The following WDR72 variants were observed in gnomAD, a reference collection of about 807,000 sequenced individuals.
WDR72 encodes WD repeat domain 72, also known as WD repeat-containing protein 72.
Under a neutral mutation model 124.2 loss-of-function variants are expected in WDR72, and 120 were observed. That is an observed-to-expected ratio of 0.97 (90% CI 0.83 to 1.12). WDR72 has a LOEUF of 1.12. Among genes scored for constraint, WDR72 ranks in the 50% most tolerant of loss-of-function variants. The pLI, the probability that WDR72 is intolerant of heterozygous loss-of-function variation, is 0.00. For synonymous variants in WDR72, 452 were observed against 441.7 expected, an observed-to-expected ratio of 1.02 and a Z score of -0.29; for missense variants, 1,387 against 1,278.8, an observed-to-expected ratio of 1.08 and a Z score of -1.29.
chr15:53,657,107 A>T (rs1287777295), intron 14 of WDR72, among the ~76,000 whole-genome samples: 1 of 151,926 alleles, frequency 6.6e-6, no homozygotes, highest in African/African-American at 2.4e-5. Flanking sequence ...TACTAAAAAT[A>T]CAAAAAATTA....
Position 53,665,654 on chromosome 15 carries a change from T to C in WDR72, c.1880A>G (p.Lys627Arg). ...GCTGGAGGATCTCTGTTCTATACTT[T>C]TGTGCTTAAGTGTCTCTGAGGCAAT... ...LPIASETLKH[K>R]SIEQRSSSPY... The change falls in exon 14 of 20, where the codon AAA becomes AGA. Residue 627 changes from lysine to arginine, a missense_variant. Coordinates refer to ENST00000360509, the MANE Select transcript of WDR72 (RefSeq NM_182758.4). 6.2e-7 allele frequency: 1 copy of C among 1,613,916 alleles called. No homozygotes were observed. Among genetic ancestry groups the C allele is most frequent in the Non-Finnish European group, 8.5e-7 (1 of 1,179,882 alleles).
At chr15:53,621,841 A>G (rs2014007512) in intron 14 of WDR72, among the ~76,000 whole-genome samples, 1 of 152,106 alleles carries the variant, frequency 6.6e-6, no homozygotes, top group South Asian at 2.1e-4. Flanking sequence ...GAGACAACCT[A>G]TAGAATGGGA....
intron 1 of WDR72, among the ~76,000 whole-genome samples, chr15:53,742,900 T>A (rs1050197101): frequency 2.0e-5 from 3 of 152,196 alleles, no homozygotes. Context: ...CATTTTATCA[T>A]ATAATCAATA....
At chr15:53,633,211 G>A (rs1595808015) in intron 14 of WDR72, among the ~76,000 whole-genome samples, 1 of 152,160 alleles carries the variant, frequency 6.6e-6, no homozygotes, top group Non-Finnish European at 1.5e-5. Flanking sequence ...TTAGCACCAT[G>A]CCCCCTTGGT....
Position 53,714,442 on chromosome 15 carries a change from T to C in WDR72, c.583A>G (p.Ser195Gly). ...KVWDLSSSIN[S>G]IQEKQDVYEK... Reference sequence around the variant, plus strand: ...AGGGTTCCCAAGCCAACCTGAATGCTGTTGATAGATGAGGAAAGATCCCAT... The same window carrying C: ...AGGGTTCCCAAGCCAACCTGAATGCCGTTGATAGATGAGGAAAGATCCCAT... Residue 195 changes from serine (S) to glycine (G), a missense_variant, in exon 6 of 20, where the codon AGC becomes GGC. Physicochemically the swap from Ser to Gly is moderately conservative, Grantham distance 56 (BLOSUM62 0). Transcript: ENST00000360509. 2 of 1,613,666 alleles carry C rather than the reference T, an allele frequency of 1.2e-6. No homozygotes were observed. The highest frequency in any genetic ancestry group is 1.7e-6 in the Non-Finnish European group (2 of 1,179,642).
chr15:53,535,986 CT>C (rs1315720871), intron 18 of WDR72, among the ~76,000 whole-genome samples: 1 of 152,164 alleles, frequency 6.6e-6, no homozygotes, highest in African/African-American at 2.4e-5. Context: ...GGATGCCTGC[CT>C]GCATGCGTGT....
intron 1 of WDR72, among the ~76,000 whole-genome samples, chr15:53,739,783 C>A (rs1023075696): frequency 4.6e-5 from 7 of 152,118 alleles, no homozygotes; most frequent in Admixed American, 2.6e-4. Flanking sequence ...GTGTGCTTAG[C>A]TAAGAATTAA....
intron 15 of WDR72, 69 bp from the exon 16 acceptor site, chr15:53,613,826 G>C: frequency 1.8e-6 from 2 of 1,093,442 alleles, no homozygotes; most frequent in Non-Finnish European, 1.4e-6. Flanking sequence ...ATAAATCAAA[G>C]ATATGGGTAC....
At chr15:53,746,459 T>G (rs1047835696) in intron 1 of WDR72, among the ~76,000 whole-genome samples, 1 of 152,194 alleles carries the variant, frequency 6.6e-6, no homozygotes, top group African/African-American at 2.4e-5. Flanking sequence ...GCATGAATTT[T>G]GACAATAACA....
chr15:53,713,334 T>A (rs1047445357), intron 6 of WDR72, among the ~76,000 whole-genome samples: 3 of 151,566 alleles, frequency 2.0e-5, no homozygotes, highest in African/African-American at 7.3e-5. Flanking sequence ...CTGTTAGATA[T>A]GGCAGAAAGG....
At chr15:53,619,865 T>C (rs754182600) in intron 14 of WDR72, among the ~76,000 whole-genome samples, 1 of 152,076 alleles carries the variant, frequency 6.6e-6, no homozygotes, top group African/African-American at 2.4e-5. Flanking sequence ...AATTTTAAAA[T>C]AGCTTACTCT....
At chr15:53,531,315 A>G (rs1892453754) in intron 18 of WDR72, among the ~76,000 whole-genome samples, 1 of 151,960 alleles carries the variant, frequency 6.6e-6, no homozygotes, top group Non-Finnish European at 1.5e-5. Flanking sequence ...AGTGAGTATC[A>G]CTTTCTCACA....
At chr15:53,706,434 AT>A (rs57254769) in intron 9 of WDR72, among the ~76,000 whole-genome samples, 3,893 of 145,462 alleles carry the variant, frequency 0.027, 172 homozygotes, top group African/African-American at 0.079. Flanking sequence ...CTTTCTACAT[AT>A]TCAGTTAAAT....
chr15:53,700,092 A>G (rs1434360780), intron 12 of WDR72, 147 bp from the exon 13 acceptor site: 11 of 880,878 alleles, frequency 1.2e-5, no homozygotes, highest in African/African-American at 1.7e-5. Context: ...AGCACCTTTC[A>G]TGTAACCCTC....
upstream of WDR72, among the ~76,000 whole-genome samples, chr15:53,761,309 A>G (rs1444552270): frequency 6.6e-6 from 1 of 152,228 alleles, no homozygotes; most frequent in African/African-American, 2.4e-5. Context: ...TCCAAAAGAC[A>G]GGCAATAACA....
At chr15:53,733,226 T>G in intron 1 of WDR72, 65 bp from the exon 2 acceptor site, 1 of 1,561,216 alleles carries the variant, frequency 6.4e-7, no homozygotes, top group Non-Finnish European at 8.8e-7. Context: ...AAACCGATAA[T>G]ATTACAAGCA....
Position 53,616,248 on chromosome 15 carries a change from G to T in WDR72, c.1963-5C>A. 1.3e-6 allele frequency: 2 copies of T among 1,595,322 alleles called. No individual in the cohort carries two copies. Among genetic ancestry groups the T allele is most frequent in the East Asian group, 2.2e-5 (1 of 44,778 alleles). On this transcript the variant is annotated splice_region_variant and splice_polypyrimidine_tract_variant and intron_variant, in intron 14 of 19. Transcript: ENST00000360509. Reference sequence around the variant, plus strand: ...GCAAAATTTGGCATCAGTAACCTAAGGGAACAAAAAATATTTGTGTCAAAG... The same window carrying T: ...GCAAAATTTGGCATCAGTAACCTAATGGAACAAAAAATATTTGTGTCAAAG...
chr15:53,648,713 A>G (rs575079265), intron 14 of WDR72, among the ~76,000 whole-genome samples: 1 of 152,080 alleles, frequency 6.6e-6, no homozygotes, highest in Non-Finnish European at 1.5e-5. Flanking sequence ...AATTCAACAC[A>G]TACTTATTAA....
At chr15:53,759,846 C>T (rs897642497), upstream of WDR72, among the ~76,000 whole-genome samples, 7 of 151,970 alleles carry the variant, frequency 4.6e-5, no homozygotes, top group African/African-American at 1.7e-4. Context: ...GCCTCCCTCC[C>T]TCCCTCCCTC....
Sources: allele counts gnomAD v4.1 joint callset (sites outside exome capture counted in the v4.1 genomes callset), GRCh38; gene constraint gnomAD v4.1.1; transcripts MANE v1.5; gene names NCBI Gene and HGNC (gene_info 2026-07-23, HGNC 2026-07-21).